Variants in CYFIP1 observed in about 807,000 individuals in gnomAD.
The protein encoded by CYFIP1 is cytoplasmic FMR1-interacting protein 1.
A neutral mutation model predicts 163.5 loss-of-function variants in CYFIP1; 58 were observed. The observed-to-expected ratio is 0.35, with a 90% CI of 0.29 to 0.44. The LOEUF (loss-of-function observed/expected upper bound fraction) is 0.44, where lower values mean the gene tolerates loss of function less well. CYFIP1 is among the 20% of genes least tolerant of loss of function. The pLI, the probability that CYFIP1 is intolerant of heterozygous loss-of-function variation, is 1.00. For missense variants in CYFIP1, 1,338 were observed against 1,653.8 expected, an observed-to-expected ratio of 0.81 and a Z score of 3.31; for synonymous variants, 663 against 660.7, an observed-to-expected ratio of 1.00 and a Z score of -0.05.
At chr15:22,921,764 C>CAAAAAAAAAA (rs35027433) in intron 13 of CYFIP1, among the ~76,000 whole-genome samples, 1 of 58,192 alleles carries the variant, frequency 1.7e-5, no homozygotes, top group Admixed American at 1.8e-4. Flanking sequence ...GACTCTGTCT[C>CAAAAAAAAAA]AAAAAAAAAA....
Position 22,916,619 on chromosome 15 carries a change from C to T in CYFIP1, c.1686G>A (p.Val562=), listed in dbSNP as rs1283030712. 3 of 1,614,028 alleles carry T rather than the reference C, an allele frequency of 1.9e-6. No homozygotes were observed. Among genetic ancestry groups the T allele is most frequent in the Non-Finnish European group, 2.5e-6 (3 of 1,179,948 alleles). ...VGPSSTQLYM[V]RTMLESLIAD... ...CAATGAGGGACTCTAGCATGGTTCT[C>T]ACCATGTAAAGCTGGATTATCCAAG... The change falls in exon 16 of 31, where the codon GTG becomes GTA. Residue 562 remains valine (V), a synonymous_variant. Coordinates refer to ENST00000617928, the MANE Select transcript of CYFIP1 (RefSeq NM_014608.6).
Position 22,892,925 on chromosome 15 carries a change from G to C in CYFIP1, c.2641C>G (p.Pro881Ala), listed in dbSNP as rs2060119972. 13 of 1,613,684 alleles carry C rather than the reference G, an allele frequency of 8.1e-6. No homozygotes were observed. Among genetic ancestry groups the C allele is most frequent in the Non-Finnish European group, 1.1e-5 (13 of 1,179,684 alleles). Residue 881 changes from proline to alanine, a missense_variant, in exon 23 of 31, where the codon CCT (proline) becomes GCT (alanine). Pro to Ala is a conservative substitution (Grantham distance 27). Around this residue, in one of 4 missense-constraint regions of CYFIP1, gnomAD observed 824 missense variants for 995.7 expected, o/e 0.83. Transcript: ENST00000617928. ...TGCAGATACTGAGGCTGTGCATTAG[G>C]CTGCTTATCTCTTTGAAATTCCTGA... ...FSQEFQRDKQ[P>A]NAQPQYLHGS...
chr15:22,968,327 G>C (rs2062978687), intron 1 of CYFIP1, among the ~76,000 whole-genome samples: 1 of 152,102 alleles, frequency 6.6e-6, no homozygotes, highest in South Asian at 2.1e-4. Context: ...AGTAGACTCT[G>C]AATGAAACAA....
Position 22,931,833 on chromosome 15 carries a change from A to G in CYFIP1, c.1110+390T>C, listed in dbSNP as rs181594997. The stretch of plus-strand genomic sequence containing the variant: ...TGACAGCATATACAACGGTGGTCCC[A>G]TAAGATTATAATACCATCTTTTCAC... On this transcript the variant is annotated intron_variant, in intron 11 of 30. Coordinates refer to ENST00000617928, the MANE Select transcript of CYFIP1 (RefSeq NM_014608.6). 6.7e-3 allele frequency among the ~76,000 whole-genome samples: 1,024 copies of G among 152,120 alleles called. 7 individuals carry two copies. Among genetic ancestry groups the G allele is most frequent in the Non-Finnish European group, 0.012 (801 of 68,000 alleles).
chr15:22,937,514 C>T (rs1184279794), intron 8 of CYFIP1, among the ~76,000 whole-genome samples: 1 of 152,042 alleles, frequency 6.6e-6, no homozygotes, highest in East Asian at 1.9e-4. Context: ...AAAGTAATTG[C>T]GTTTTTTTTG....
intron 1 of CYFIP1, among the ~76,000 whole-genome samples, chr15:22,959,357 ATGGC>A: frequency 6.6e-6 from 1 of 152,340 alleles, no homozygotes; most frequent in Non-Finnish European, 1.5e-5. Flanking sequence ...CAGACCCACC[ATGGC>A]GGTCTCCGGG....
At chr15:22,915,598 A>G (rs546462134) in intron 16 of CYFIP1, among the ~76,000 whole-genome samples, 1 of 152,184 alleles carries the variant, frequency 6.6e-6, no homozygotes, top group Non-Finnish European at 1.5e-5. Flanking sequence ...AAAATACAAA[A>G]ATTAGCCAGG....
chr15:22,894,672 A>C (rs944954549), intron 22 of CYFIP1, among the ~76,000 whole-genome samples: 12 of 151,558 alleles, frequency 7.9e-5, no homozygotes, highest in African/African-American at 2.9e-4. Flanking sequence ...TAAATTTAGA[A>C]AGCAGGCCTT....
chr15:22,900,547 C>T (rs1035739997), intron 22 of CYFIP1, among the ~76,000 whole-genome samples: 5 of 151,854 alleles, frequency 3.3e-5, no homozygotes, highest in Non-Finnish European at 7.4e-5. Context: ...TGCAGGCGCC[C>T]GCCACCACAC....
At chr15:22,924,040 A>G (rs1416963604) in intron 13 of CYFIP1, among the ~76,000 whole-genome samples, 1 of 151,920 alleles carries the variant, frequency 6.6e-6, no homozygotes, top group Non-Finnish European at 1.5e-5. Context: ...CATCTGATGG[A>G]TGGATAAATA....
rs1479544916 is a variant in CYFIP1, at chr15:22,868,143, C to G, written c.*1885G>C. 1 of 152,258 alleles carries G rather than the reference C, an allele frequency of 6.6e-6. No individual in the cohort carries two copies. The highest frequency in any genetic ancestry group is 1.9e-4 in the East Asian group (1 of 5,204). 9.4% of individuals were successfully genotyped at this position (152,258 alleles called of 1,614,324 possible). ...TGCTGGTATCCCATGCAGCTCACCA[C>G]TGGCTGCGTGGAAACTCCCTTTTTT... On this transcript the variant is annotated 3_prime_UTR_variant, in exon 31 of 31. Transcript: ENST00000617928.
At chr15:22,935,734 A>G (rs1443088809) in intron 9 of CYFIP1, among the ~76,000 whole-genome samples, 1 of 152,196 alleles carries the variant, frequency 6.6e-6, no homozygotes, top group East Asian at 1.9e-4. Flanking sequence ...GTTAATAACA[A>G]TGCATTGAAT....
At chr15:22,974,470 C>T (rs764289874) in intron 1 of CYFIP1, among the ~76,000 whole-genome samples, 15 of 152,178 alleles carry the variant, frequency 9.9e-5, no homozygotes, top group East Asian at 1.9e-4. Context: ...TGGCTCATGC[C>T]TATAATCCCA....
Position 22,917,635 on chromosome 15 carries a change from CAG to C in CYFIP1, c.1674+151_1674+152del, listed in dbSNP as rs1343100638. On this transcript the variant is annotated intron_variant, in intron 15 of 30. Coordinates refer to ENST00000617928, the MANE Select transcript of CYFIP1 (RefSeq NM_014608.6). This position sits in a 1 kb window ranked among gnomAD's most constrained non-coding sequence, Gnocchi z 4.2. ...GCTCCCAACTCACTTGGGTGGGAAA[CAG>C]AGGAGCAGCAGAAACCACAGGCGCC... 3.2e-6 allele frequency: 3 copies of C among 934,174 alleles called. No individual in the cohort carries two copies. The highest frequency in any genetic ancestry group is 3.4e-5 in the African/African-American group (2 of 58,652). The allele number at this position is 934,174 out of a possible 1,614,324, so 57.9% of individuals were successfully genotyped here. A position where few individuals can be genotyped will look rare whatever the true frequency, so the allele number is the denominator to read the frequency against.
At chr15:22,933,920 G>C (rs1398449502) in intron 9 of CYFIP1, 27 bp from the exon 10 acceptor site, 1 of 1,522,890 alleles carries the variant, frequency 6.6e-7, no homozygotes, top group East Asian at 2.2e-5. Context: ...AAAAAATAGA[G>C]TCATTATGTA....
chr15:22,893,732 G>A (rs745667676), intron 22 of CYFIP1, among the ~76,000 whole-genome samples: 3 of 152,178 alleles, frequency 2.0e-5, no homozygotes, highest in Non-Finnish European at 2.9e-5. Context: ...ACCTACCGCA[G>A]TACTTCTGGG....
At chr15:22,935,540 A>C (rs1011032838) in intron 9 of CYFIP1, among the ~76,000 whole-genome samples, 9 of 152,198 alleles carry the variant, frequency 5.9e-5, no homozygotes, top group Non-Finnish European at 1.2e-4. Flanking sequence ...ACATTAATGA[A>C]AAGATTCATA....
intron 23 of CYFIP1, among the ~76,000 whole-genome samples, chr15:22,884,136 G>A (rs2059866979): frequency 6.6e-6 from 1 of 151,874 alleles, no homozygotes; most frequent in Admixed American, 6.6e-5. Flanking sequence ...GGGGGACACA[G>A]CCAAACCTTA....
Position 22,946,853 on chromosome 15 carries a change from A to T in CYFIP1, c.207+150T>A, listed in dbSNP as rs1464683635. The T allele has an allele frequency of 3.6e-5, 27 of 759,154 alleles. No individual in the cohort carries two copies. In the East Asian group the frequency reaches 7.2e-4, roughly 20 times the overall value. The allele number at this position is 759,154 out of a possible 1,614,324, so 47.0% of individuals were successfully genotyped here. ...TATTGTTTTTACACTAAGAAAAGCA[A>T]AGACTGTCTTAAAAATATAAGGCAT... On this transcript the variant is annotated intron_variant, in intron 3 of 30. Transcript: ENST00000617928.
Sources: allele counts gnomAD v4.1 joint callset (sites outside exome capture counted in the v4.1 genomes callset), GRCh38; gene constraint gnomAD v4.1.1; regional missense constraint gnomAD v4.1.1; non-coding constraint Gnocchi (gnomAD v3.1); transcripts MANE v1.5; gene names NCBI Gene and HGNC (gene_info 2026-07-23, HGNC 2026-07-21).